The following SMYD3 variants were observed in gnomAD, a reference collection of about 807,000 sequenced individuals.
SMYD3 encodes SET and MYND domain containing 3.
In SMYD3, 36 loss-of-function variants were observed where a neutral mutation model predicts 57.7. That is an observed-to-expected ratio of 0.62 (90% CI 0.48 to 0.82). The LOEUF is 0.82. Ranked by LOEUF, SMYD3 falls within the 40% of genes least tolerant of loss-of-function variation. The probability of loss-of-function intolerance (pLI) is 0.00; values close to 1 mark genes in which losing one functional copy is unlikely to be tolerated. For missense variants in SMYD3, 515 were observed against 538.8 expected, an observed-to-expected ratio of 0.96 and a Z score of 0.44; for synonymous variants, 211 against 195.0, an observed-to-expected ratio of 1.08 and a Z score of -0.68.
chr1:246,347,072 A>T (rs2065733470), intron 2 of SMYD3, among the ~76,000 whole-genome samples: 1 of 152,122 alleles, frequency 6.6e-6, no homozygotes, highest in South Asian at 2.1e-4. Flanking sequence ...ACGTAGCTGG[A>T]GAGAAGAATC....
At chr1:246,121,350 CTTGTT>C (rs922396552) in intron 5 of SMYD3, among the ~76,000 whole-genome samples, 65 of 111,578 alleles carry the variant, frequency 5.8e-4, no homozygotes, top group African/African-American at 2.1e-3. Context: ...TCTCATGTTT[CTTGTT>C]TTGTTTTGTG....
chr1:246,367,526 G>A (rs1168861593), intron 1 of SMYD3, among the ~76,000 whole-genome samples: 4 of 152,088 alleles, frequency 2.6e-5, no homozygotes, highest in Admixed American at 6.6e-5. Flanking sequence ...TCTGCCTCCC[G>A]GGTTGAAGCA....
chr1:246,141,633 T>C (rs1412560116), intron 5 of SMYD3, among the ~76,000 whole-genome samples: 1 of 152,142 alleles, frequency 6.6e-6, no homozygotes, highest in Admixed American at 6.5e-5. Flanking sequence ...ACAGCCCCCC[T>C]GAATGTACTC....
rs143532327 is a variant in SMYD3, at chr1:245,970,952, T to C, written c.532-41015A>G. Among the ~76,000 whole-genome samples the C allele has an allele frequency of 1.8e-3, 279 of 152,346 alleles. 1 individual carries two copies. The highest frequency in any genetic ancestry group is 6.4e-3 in the African/African-American group (266 of 41,580). On this transcript the variant is annotated intron_variant, in intron 5 of 11. Transcript: ENST00000490107. ...CCCAGTGATCCCATTACTGGGTATA[T>C]ACCCAAAGGCTTATAAATCATTCTA...
intron 8 of SMYD3, among the ~76,000 whole-genome samples, chr1:245,893,926 G>A (rs2053563793): frequency 6.6e-6 from 1 of 152,192 alleles, no homozygotes; most frequent in Admixed American, 6.5e-5. Flanking sequence ...TAGTGAAGAG[G>A]TTAGGGCTAT....
At chr1:246,119,405 T>C (rs1374340273) in intron 5 of SMYD3, among the ~76,000 whole-genome samples, 2 of 147,278 alleles carry the variant, frequency 1.4e-5, no homozygotes, top group East Asian at 2.0e-4. Context: ...TCACTCTTTT[T>C]GTTCTTTCTT....
At chr1:246,063,161 C>A (rs1355235134) in intron 5 of SMYD3, among the ~76,000 whole-genome samples, 3 of 152,166 alleles carry the variant, frequency 2.0e-5, no homozygotes, top group African/African-American at 7.2e-5. Context: ...GCGAAGTCAG[C>A]AAGGGGAAAG....
chr1:246,306,971 G>C (rs1399006456), intron 5 of SMYD3, among the ~76,000 whole-genome samples: 1 of 150,548 alleles, frequency 6.6e-6, no homozygotes, highest in African/African-American at 2.4e-5. Flanking sequence ...ACATAGGGGA[G>C]GATGGGTTTT....
intron 1 of SMYD3, among the ~76,000 whole-genome samples, chr1:246,506,205 A>G (rs950530539): frequency 6.6e-6 from 1 of 152,206 alleles, no homozygotes; most frequent in Non-Finnish European, 1.5e-5. Context: ...ACAGAAGCTC[A>G]ATAATATTTG....
chr1:246,449,662 T>C (rs563539080), intron 1 of SMYD3, among the ~76,000 whole-genome samples: 1 of 152,230 alleles, frequency 6.6e-6, no homozygotes, highest in Non-Finnish European at 1.5e-5. Flanking sequence ...TCACTGATGT[T>C]CTCCATGAAG....
chr1:245,942,000 A>G (rs2057263021), intron 5 of SMYD3, among the ~76,000 whole-genome samples: 2 of 152,174 alleles, frequency 1.3e-5, no homozygotes, highest in South Asian at 4.1e-4. Flanking sequence ...GAAAGGAAAA[A>G]CTGTTACCAG....
chr1:246,433,435 A>T (rs1009573127), intron 1 of SMYD3, among the ~76,000 whole-genome samples: 2 of 152,080 alleles, frequency 1.3e-5, no homozygotes, highest in African/African-American at 4.8e-5. Context: ...CCAAGGTGGG[A>T]GGATCACTTG....
At chr1:246,004,394 A>G (rs1349634965) in intron 5 of SMYD3, among the ~76,000 whole-genome samples, 1 of 152,212 alleles carries the variant, frequency 6.6e-6, no homozygotes, top group Non-Finnish European at 1.5e-5. Flanking sequence ...TGCCAGCCAC[A>G]GTACCTGCAA....
intron 5 of SMYD3, among the ~76,000 whole-genome samples, chr1:246,283,323 T>G (rs2064491954): frequency 6.6e-6 from 1 of 152,214 alleles, no homozygotes; most frequent in Non-Finnish European, 1.5e-5. Context: ...GGAACCTATG[T>G]GTTTCATGAG....
intron 9 of SMYD3, among the ~76,000 whole-genome samples, chr1:245,860,928 T>C (rs1215591938): frequency 1.3e-5 from 2 of 152,214 alleles, no homozygotes; most frequent in African/African-American, 4.8e-5. Context: ...CACTATTATT[T>C]GCCTGTTCAT....
At chr1:246,457,472 G>A (rs547538156) in intron 1 of SMYD3, among the ~76,000 whole-genome samples, 1 of 143,804 alleles carries the variant, frequency 7.0e-6, no homozygotes, top group South Asian at 2.2e-4. Context: ...TGCGGAGGGT[G>A]CAGTGAGCTG....
intron 5 of SMYD3, among the ~76,000 whole-genome samples, chr1:246,159,600 AG>A (rs2062081267): frequency 6.6e-6 from 1 of 152,182 alleles, no homozygotes; most frequent in Non-Finnish European, 1.5e-5. Context: ...GCAGGAAGAA[AG>A]CAAGAATGGG....
intron 5 of SMYD3, among the ~76,000 whole-genome samples, chr1:246,116,201 GACACACACACAC>G (rs56722969): frequency 0.029 from 4,207 of 145,952 alleles, 159 homozygotes; most frequent in East Asian, 0.16. Context: ...CCCTGAGATG[GACACACACACAC>G]ACACACACAC....
At chr1:246,105,537 A>G (rs995677182) in intron 5 of SMYD3, among the ~76,000 whole-genome samples, 2 of 152,248 alleles carry the variant, frequency 1.3e-5, no homozygotes, top group East Asian at 3.9e-4. Context: ...GTGCTGCCCC[A>G]ACCTGCAGAG....
Sources: allele counts gnomAD v4.1 joint callset (sites outside exome capture counted in the v4.1 genomes callset), GRCh38; gene constraint gnomAD v4.1.1; transcripts MANE v1.5; gene names NCBI Gene and HGNC (gene_info 2026-07-23, HGNC 2026-07-21).